KMT2E: variants seen among roughly 807,000 people sequenced by gnomAD.
KMT2E encodes histone reader KMT2E.
A neutral mutation model predicts 184.6 loss-of-function variants in KMT2E; 30 were observed. That is an observed-to-expected ratio of 0.16 (90% CI 0.12 to 0.22). KMT2E has a LOEUF of 0.22. KMT2E is among the 10% of genes least tolerant of loss of function. KMT2E has a pLI of 1.00. For missense variants in KMT2E, 2,023 were observed against 2,237.4 expected (o/e 0.90, Z 1.93); for synonymous variants, 815 against 776.5 (o/e 1.05, Z -0.82).
chr7:105,109,045 G>T lies in KMT2E; in HGVS notation c.3572G>T (p.Ser1191Ile), dbSNP rs1799048549. The T allele has an allele frequency of 2.5e-6, 4 of 1,614,206 alleles. No individual in the cohort carries two copies. The highest frequency in any genetic ancestry group is 2.5e-6 in the Non-Finnish European group (3 of 1,180,026). Reference protein sequence around the residue: ...LISVSPHASGSLSNNGDGCAS... With the variant: ...LISVSPHASGILSNNGDGCAS... ...AGTGTATCACCCCATGCAAGTGGAA[G>T]CTTGAGCAACAATGGTGATGGCTGT... Residue 1191 changes from serine (S) to isoleucine (I), a missense_variant, in exon 23 of 27, where the codon AGC becomes ATC. Physicochemically the swap from Ser to Ile is moderately radical, Grantham distance 142. Coordinates refer to ENST00000311117, the MANE Select transcript of KMT2E (RefSeq NM_182931.3).
chr7:105,050,006 TCTTGC>T (rs1264089645), intron 3 of KMT2E, among the ~76,000 whole-genome samples: 1 of 152,214 alleles, frequency 6.6e-6, no homozygotes. Flanking sequence ...CATTCTTCCC[TCTTGC>T]CTGCAGTCAT....
At chr7:105,072,325 C>CA (rs1226525308) in intron 6 of KMT2E, among the ~76,000 whole-genome samples, 1 of 151,614 alleles carries the variant, frequency 6.6e-6, no homozygotes, top group Non-Finnish European at 1.5e-5. Context: ...GACTCCGTCT[C>CA]AAAAAACAAA....
At chr7:105,041,192 G>A (rs138366436) in intron 3 of KMT2E, among the ~76,000 whole-genome samples, 169 bp downstream of exon 3, 84 of 150,470 alleles carry the variant, frequency 5.6e-4, no homozygotes, top group African/African-American at 1.9e-3. Flanking sequence ...CACTGAGAAC[G>A]TGATTGCTAT....
chr7:105,109,112 T>A lies in KMT2E; in HGVS notation c.3639T>A (p.Ala1213=), dbSNP rs541443923. Residue 1213 remains alanine (A), a synonymous_variant, in exon 23 of 27, where the codon GCT becomes GCA. Coordinates refer to ENST00000311117, the MANE Select transcript of KMT2E (RefSeq NM_182931.3). ...NDNGEQVDHT[A]SLPLPTPATV... is the part of the protein sequence containing the mutation. ...ATGGGGAGCAGGTGGACCACACTGC[T>A]AGCCTACCTTTACCAACACCAGCTA... is the stretch of plus-strand genomic sequence containing the variant. 4.3e-6 allele frequency: 7 copies of A among 1,614,202 alleles called. 1 individual carries two copies. In the South Asian group the frequency reaches 7.7e-5, roughly 18 times the overall value.
chr7:105,036,183 TTTTG>T (rs1229315130), intron 1 of KMT2E, among the ~76,000 whole-genome samples: 1 of 151,346 alleles, frequency 6.6e-6, no homozygotes, highest in African/African-American at 2.4e-5. Flanking sequence ...TGGTTTTTTT[TTTTG>T]TTTTTTTTTT....
intron 1 of KMT2E, among the ~76,000 whole-genome samples, chr7:105,035,533 T>A (rs1219131448): frequency 6.6e-6 from 1 of 151,840 alleles, no homozygotes; most frequent in Non-Finnish European, 1.5e-5. Flanking sequence ...TTGTTGCCTG[T>A]ATTGATAGTT....
At chr7:105,086,740 AT>A (rs1797979475) in intron 13 of KMT2E, among the ~76,000 whole-genome samples, 5 of 145,856 alleles carry the variant, frequency 3.4e-5, no homozygotes. Context: ...ATAAAAAAAT[AT>A]ATAAATAAAA....
At chr7:105,076,170 T>C in intron 9 of KMT2E, 89 bp downstream of exon 9, 1 of 892,524 alleles carries the variant, frequency 1.1e-6, no homozygotes, top group Non-Finnish European at 1.8e-6. Context: ...CTTAATGCTC[T>C]GTTTATTGTG....
At chr7:105,096,656 T>C (rs933388040) in intron 15 of KMT2E, among the ~76,000 whole-genome samples, 4 of 151,800 alleles carry the variant, frequency 2.6e-5, no homozygotes, top group Admixed American at 2.0e-4. Flanking sequence ...GAATAAAAAA[T>C]GGTGGGCAAA....
intron 11 of KMT2E, among the ~76,000 whole-genome samples, chr7:105,078,452 T>G (rs902569991): frequency 1.8e-4 from 28 of 152,164 alleles, no homozygotes; most frequent in Non-Finnish European, 8.8e-5. Context: ...TTCTTAAGTT[T>G]CTTCATCACT....
intron 3 of KMT2E, among the ~76,000 whole-genome samples, chr7:105,059,978 G>GTTTTTTTTTTTTTTGTT (rs1796735994): frequency 1.9e-5 from 1 of 51,764 alleles, no homozygotes; most frequent in Non-Finnish European, 4.0e-5. Flanking sequence ...TCTTGTTGTT[G>GTTTTTTTTTTTTTTGTT]TTTTTTTTTT....
chr7:105,108,822 A>C (rs1215015700), intron 22 of KMT2E, 120 bp from the exon 23 acceptor site: 1 of 804,996 alleles, frequency 1.2e-6, no homozygotes, highest in East Asian at 2.7e-5. Flanking sequence ...GTTCAGAATC[A>C]ATTAAAATAA....
At chr7:105,068,578 A>G (rs921731988) in intron 6 of KMT2E, among the ~76,000 whole-genome samples, 4 of 150,102 alleles carry the variant, frequency 2.7e-5, no homozygotes, top group African/African-American at 9.9e-5. Context: ...TCAGCTTGCC[A>G]AGTAGCTGGG....
chr7:105,055,024 T>A (rs1796520760), intron 3 of KMT2E, among the ~76,000 whole-genome samples: 1 of 152,100 alleles, frequency 6.6e-6, no homozygotes, highest in Non-Finnish European at 1.5e-5. Context: ...ACTTTTTACC[T>A]TCTCTGATCA....
At chr7:105,025,712 T>C (rs1795148817) in intron 1 of KMT2E, among the ~76,000 whole-genome samples, 1 of 152,200 alleles carries the variant, frequency 6.6e-6, no homozygotes, top group Non-Finnish European at 1.5e-5. Flanking sequence ...ATTATTCTAC[T>C]AAGTATTACG....
intron 13 of KMT2E, among the ~76,000 whole-genome samples, chr7:105,084,744 A>G (rs1185330704): frequency 6.6e-6 from 1 of 152,208 alleles, no homozygotes; most frequent in Admixed American, 6.5e-5. Context: ...GCTCCTGGGC[A>G]TGTGTCACAT....
At chr7:105,069,475 T>TC (rs1797190922) in intron 6 of KMT2E, among the ~76,000 whole-genome samples, 1 of 152,152 alleles carries the variant, frequency 6.6e-6, no homozygotes, top group Non-Finnish European at 1.5e-5. Context: ...GTTTAGAACT[T>TC]TCCCCCCATA....
chr7:105,078,276 G>A (rs1797614141), intron 11 of KMT2E, among the ~76,000 whole-genome samples: 1 of 152,040 alleles, frequency 6.6e-6, no homozygotes, highest in Non-Finnish European at 1.5e-5. Context: ...TTGTAAATTG[G>A]AATTTCTACC....
intron 16 of KMT2E, 138 bp downstream of exon 16, chr7:105,101,727 C>T: frequency 2.1e-6 from 2 of 946,140 alleles, no homozygotes; most frequent in South Asian, 4.4e-5. Flanking sequence ...ATGGGAGTTT[C>T]AGCTTGAGAT....
Sources: allele counts gnomAD v4.1 joint callset (sites outside exome capture counted in the v4.1 genomes callset), GRCh38; gene constraint gnomAD v4.1.1; transcripts MANE v1.5; gene names NCBI Gene and HGNC (gene_info 2026-07-23, HGNC 2026-07-21).